Variants in TMEM108 observed in about 807,000 individuals in gnomAD.
TMEM108 encodes transmembrane protein 108, also known as cancer/testis antigen 124.
TMEM108 carries 12 observed loss-of-function variants against 35.1 expected under a neutral mutation model. The ratio of observed to expected loss-of-function variants is 0.34; its 90% confidence interval spans 0.22 to 0.55. TMEM108 has a LOEUF of 0.55. Ranked by LOEUF, TMEM108 falls within the 20% of genes least tolerant of loss-of-function variation. The probability of loss-of-function intolerance (pLI) is 0.89; values close to 1 mark genes in which losing one functional copy is unlikely to be tolerated. For synonymous variants in TMEM108, 287 were observed against 308.6 expected (o/e 0.93, Z 0.73); for missense variants, 680 against 753.3 (o/e 0.90, Z 1.14).
intron 3 of TMEM108, among the ~76,000 whole-genome samples, chr3:133,273,513 C>T (rs144787767): frequency 5.3e-5 from 8 of 152,158 alleles, no homozygotes; most frequent in East Asian, 3.8e-4. Context: ...GCAGGACTGA[C>T]GTAGGAAGCA....
chr3:133,232,955 T>G (rs1246959492), intron 3 of TMEM108, among the ~76,000 whole-genome samples: 1 of 152,158 alleles, frequency 6.6e-6, no homozygotes, highest in Non-Finnish European at 1.5e-5. Flanking sequence ...AATTAGATGT[T>G]AAAGCTAGTC....
At chr3:133,239,570 C>T (rs2073355526) in intron 3 of TMEM108, among the ~76,000 whole-genome samples, 1 of 152,174 alleles carries the variant, frequency 6.6e-6, no homozygotes, top group African/African-American at 2.4e-5. Context: ...GGTTCTTAAA[C>T]TTTAGTGCAC....
intron 2 of TMEM108, among the ~76,000 whole-genome samples, chr3:133,168,061 C>G (rs1226672900): frequency 6.6e-6 from 1 of 152,160 alleles, no homozygotes; most frequent in African/African-American, 2.4e-5. Context: ...CTTATGATCT[C>G]TGTTTTGACA....
intron 2 of TMEM108, among the ~76,000 whole-genome samples, chr3:133,167,478 C>T (rs2107786319): frequency 6.6e-6 from 1 of 152,368 alleles, no homozygotes; most frequent in Admixed American, 6.5e-5. Flanking sequence ...TCGGGCCGTG[C>T]AGGAGCCCAC....
intron 2 of TMEM108, among the ~76,000 whole-genome samples, chr3:133,181,917 G>T (rs1040596600): frequency 2.0e-5 from 3 of 152,174 alleles, no homozygotes; most frequent in Non-Finnish European, 4.4e-5. Flanking sequence ...ATTTGAAGAT[G>T]GTTGACATTG....
chr3:133,102,025 G>A (rs759909754), intron 2 of TMEM108, among the ~76,000 whole-genome samples: 4 of 152,220 alleles, frequency 2.6e-5, no homozygotes, highest in Non-Finnish European at 5.9e-5. Context: ...GAAGTACTAA[G>A]TCTTTTGATT....
chr3:133,325,373 A>G (rs1361706201), intron 3 of TMEM108, among the ~76,000 whole-genome samples: 1 of 152,230 alleles, frequency 6.6e-6, no homozygotes, highest in Admixed American at 6.5e-5. Context: ...CATTGGCTAC[A>G]CTGCTTAGGT....
intron 3 of TMEM108, among the ~76,000 whole-genome samples, chr3:133,325,880 C>T (rs2071326865): frequency 6.6e-6 from 1 of 151,754 alleles, no homozygotes; most frequent in African/African-American, 2.4e-5. Context: ...GGTGCTATAA[C>T]ATTATGTTTA....
intron 3 of TMEM108, among the ~76,000 whole-genome samples, chr3:133,243,560 A>T (rs6788644): frequency 0.04 from 6,033 of 151,746 alleles, 391 homozygotes; most frequent in African/African-American, 0.14. Flanking sequence ...TCGTTCTGTC[A>T]CCCAGGCTGG....
chr3:133,277,308 A>T lies in TMEM108; in HGVS notation c.40+47957A>T, dbSNP rs187936772. 6.7e-3 allele frequency among the ~76,000 whole-genome samples: 1,017 copies of T among 152,076 alleles called. 16 individuals are homozygous for T. Among genetic ancestry groups the T allele is most frequent in the African/African-American group, 0.023 (956 of 41,332 alleles). On this transcript the variant is annotated intron_variant, in intron 3 of 5. Transcript: ENST00000321871. Reference sequence around the variant, plus strand: ...GGTAAAAGATTTCTTTATAGTTTCAAATGGCTCAGAAAAAAAAATACAGTC... The same window carrying T: ...GGTAAAAGATTTCTTTATAGTTTCATATGGCTCAGAAAAAAAAATACAGTC...
At chr3:133,128,874 G>A (rs1303253740) in intron 2 of TMEM108, among the ~76,000 whole-genome samples, 1 of 152,084 alleles carries the variant, frequency 6.6e-6, no homozygotes, top group African/African-American at 2.4e-5. Context: ...ATACCCAGAT[G>A]GATAGCTGAT....
At chr3:133,159,206 C>T (rs910708960) in intron 2 of TMEM108, among the ~76,000 whole-genome samples, 1 of 152,196 alleles carries the variant, frequency 6.6e-6, no homozygotes, top group African/African-American at 2.4e-5. Flanking sequence ...CTTATCACAC[C>T]AGTCGATAGT....
intron 2 of TMEM108, among the ~76,000 whole-genome samples, chr3:133,209,213 T>TA (rs1340400390): frequency 2.0e-5 from 3 of 151,530 alleles, no homozygotes; most frequent in African/African-American, 7.3e-5. Context: ...GGCTAATTTT[T>TA]TTTTTTTTTT....
chr3:133,165,817 C>A (rs910344852), intron 2 of TMEM108, among the ~76,000 whole-genome samples: 13 of 152,168 alleles, frequency 8.5e-5, no homozygotes, highest in African/African-American at 2.4e-5. Flanking sequence ...GTGGTCCTAA[C>A]ACATGTGTAT....
chr3:133,207,531 T>C lies in TMEM108; in HGVS notation c.-46-21735T>C, dbSNP rs568106707. Among the ~76,000 whole-genome samples, 96 of 152,210 alleles carry C rather than the reference T, an allele frequency of 6.3e-4. 1 individual carries two copies. Among genetic ancestry groups the C allele is most frequent in the African/African-American group, 2.2e-3 (93 of 41,540 alleles). On this transcript the variant is annotated intron_variant, in intron 2 of 5. Coordinates refer to ENST00000321871, the MANE Select transcript of TMEM108 (RefSeq NM_023943.4). The stretch of plus-strand genomic sequence containing the variant: ...GTAAGTATTGGCTATCATCGTAAAG[T>C]TTTTTAGGTTCTGGATGAGAGGTTT...
chr3:133,157,108 A>G (rs1944892896), intron 2 of TMEM108, among the ~76,000 whole-genome samples: 1 of 152,176 alleles, frequency 6.6e-6, no homozygotes, highest in Admixed American at 6.5e-5. Context: ...GTACCTGGAT[A>G]TCCAGGTTTT....
chr3:133,229,422 A>G, intron 3 of TMEM108, 71 bp downstream of exon 3: 1 of 1,489,128 alleles, frequency 6.7e-7, no homozygotes, highest in African/African-American at 1.4e-5. Flanking sequence ...CCCACAACTT[A>G]CTTTTTGGAC....
chr3:133,339,066 A>G (rs987233034), intron 3 of TMEM108, among the ~76,000 whole-genome samples: 3 of 151,942 alleles, frequency 2.0e-5, no homozygotes, highest in Admixed American at 1.3e-4. Flanking sequence ...CCACAAAACA[A>G]CCAGGGGGCA....
intron 2 of TMEM108, among the ~76,000 whole-genome samples, chr3:133,190,740 A>G (rs983583404): frequency 6.6e-6 from 1 of 152,196 alleles, no homozygotes; most frequent in Non-Finnish European, 1.5e-5. Context: ...TGGGTACAAG[A>G]AGAGACCTGG....
Sources: gnomAD v4.1 joint callset for allele counts (sites outside exome capture counted in the v4.1 genomes callset) on GRCh38, gnomAD v4.1.1 for gene constraint, MANE v1.5 for transcripts, NCBI Gene and HGNC (gene_info 2026-07-23, HGNC 2026-07-21) for gene names.